The following CAPN14 variants were observed in gnomAD, a reference collection of about 807,000 sequenced individuals.
CAPN14 encodes the protein calpain-14.
Under a neutral mutation model 101.3 loss-of-function variants are expected in CAPN14, and 94 were observed. The observed-to-expected ratio is 0.93, with a 90% CI of 0.79 to 1.10. CAPN14 has a LOEUF of 1.10. Among genes scored for constraint, CAPN14 ranks in the 50% least tolerant of loss-of-function variants. The pLI is 0.00. For synonymous variants in CAPN14, 338 were observed against 317.9 expected, an observed-to-expected ratio of 1.06 and a Z score of -0.67; for missense variants, 837 against 828.4, an observed-to-expected ratio of 1.01 and a Z score of -0.13.
In CAPN14 at chr2:31,202,440, G is replaced by A. The variant is rs193181348; in HGVS notation, c.296-188C>T. On this transcript the variant is annotated intron_variant, in intron 3 of 21. Transcript: ENST00000403897. ...GGGAGCATTGGCTGAAATCCAACTT[G>A]ACCCCAAAACCAGAGCCATGTTCCT... is the stretch of plus-strand genomic sequence containing the variant. 2.6e-5 allele frequency among the ~76,000 whole-genome samples: 4 copies of A among 152,248 alleles called. No individual in the cohort carries two copies. In the East Asian group the frequency reaches 5.8e-4, roughly 22 times the overall value.
upstream of CAPN14, among the ~76,000 whole-genome samples, chr2:31,217,794 T>C (rs991678823): frequency 1.3e-5 from 2 of 152,172 alleles, no homozygotes; most frequent in Non-Finnish European, 2.9e-5. Context: ...AGGTGTGACC[T>C]AGAAAAGCAT....
chr2:31,220,360 A>T (rs1682824795), upstream of CAPN14, among the ~76,000 whole-genome samples: 2 of 152,194 alleles, frequency 1.3e-5, no homozygotes, highest in South Asian at 4.1e-4. Context: ...AAATAAGAAA[A>T]ACTACTGAAA....
chr2:31,232,454 TG>T (rs1683223697), intron 1 of CAPN14, among the ~76,000 whole-genome samples: 2 of 152,348 alleles, frequency 1.3e-5, no homozygotes, highest in Non-Finnish European at 2.9e-5. Flanking sequence ...GTTTTCACAC[TG>T]CTGTGAAGAA....
chr2:31,180,085 G>A (rs1158793623), intron 17 of CAPN14, among the ~76,000 whole-genome samples: 1 of 152,018 alleles, frequency 6.6e-6, no homozygotes, highest in African/African-American at 2.4e-5. Context: ...GAGACATTGG[G>A]TCAAAGTACC....
In CAPN14 at chr2:31,173,107, G is replaced by T. The variant is rs1156327359; in HGVS notation, c.*1574C>A. ...ATTAAAACAGCTATTTGCAATGGCA[G>T]ATTTTAAAGACAAAGACACAAATAA... On this transcript the variant is annotated 3_prime_UTR_variant, in exon 22 of 22. Transcript: ENST00000403897. The T allele has an allele frequency of 6.6e-6, 1 of 152,198 alleles. No individual in the cohort carries two copies. Among genetic ancestry groups the T allele is most frequent in the Non-Finnish European group, 1.5e-5 (1 of 68,024 alleles). The allele number at this position is 152,198 out of a possible 1,614,324, so 9.4% of individuals were successfully genotyped here. A position where few individuals can be genotyped will look rare whatever the true frequency, so the allele number is the denominator to read the frequency against.
chr2:31,192,637 T>C (rs1681251272), intron 10 of CAPN14, among the ~76,000 whole-genome samples: 1 of 152,126 alleles, frequency 6.6e-6, no homozygotes, highest in Non-Finnish European at 1.5e-5. Context: ...CTGTCCCATC[T>C]TGGGAGTCCA....
Position 31,189,344 on chromosome 2 carries a change from C to A in CAPN14, c.1422G>T (p.Val474=), listed in dbSNP as rs377236419. The A allele has an allele frequency of 1.6e-4, 250 of 1,551,500 alleles. No homozygotes were observed. Among genetic ancestry groups the A allele is most frequent in the Non-Finnish European group, 2.1e-4 (238 of 1,146,906 alleles). The change falls in exon 13 of 22, where the codon GTG becomes GTT. Residue 474 remains valine (V), a synonymous_variant. Coordinates refer to ENST00000403897, the MANE Select transcript of CAPN14 (RefSeq NM_001145122.2). ...TCTGGTGGGCCTCCAATATGCAGGG[C>A]ACGATGAGGTACGTCCCTGGTTCCA... The part of the protein sequence containing the change: ...LCLEPGTYLI[V]PCILEAHQKS...
intron 2 of CAPN14, among the ~76,000 whole-genome samples, chr2:31,204,144 C>T (rs1392360763): frequency 6.6e-6 from 1 of 152,128 alleles, no homozygotes; most frequent in Non-Finnish European, 1.5e-5. Flanking sequence ...ATATTTTTGG[C>T]TATAGCTGTT....
chr2:31,213,256 T>G (rs924262918), intron 1 of CAPN14, among the ~76,000 whole-genome samples: 19 of 152,326 alleles, frequency 1.2e-4, no homozygotes, highest in African/African-American at 4.6e-4. Context: ...GGATGACATG[T>G]ACTGTGCCTA....
intron 1 of CAPN14, among the ~76,000 whole-genome samples, chr2:31,232,038 A>T (rs138346969): frequency 2.6e-5 from 4 of 152,172 alleles, no homozygotes; most frequent in Non-Finnish European, 4.4e-5. Flanking sequence ...GAGATCTGAG[A>T]TGTAACTAAG....
intron 1 of CAPN14, among the ~76,000 whole-genome samples, chr2:31,210,002 G>T (rs891836362): frequency 2.6e-5 from 4 of 152,184 alleles, no homozygotes; most frequent in African/African-American, 9.7e-5. Context: ...TGTTGTCCAG[G>T]AATACAGAGT....
chr2:31,217,939 A>G (rs569909528), upstream of CAPN14, among the ~76,000 whole-genome samples: 5 of 152,326 alleles, frequency 3.3e-5, no homozygotes, highest in African/African-American at 1.2e-4. Flanking sequence ...TATTTTCAAG[A>G]GGTGGCTGTG....
At chr2:31,183,093 T>A (rs11124246) in intron 16 of CAPN14, among the ~76,000 whole-genome samples, 3 of 151,538 alleles carry the variant, frequency 2.0e-5, no homozygotes, top group Middle Eastern at 3.4e-3. Context: ...GGAAAGGATT[T>A]CCTATTTAAT....
chr2:31,202,352 C>T, intron 3 of CAPN14, 100 bp from the exon 4 acceptor site: 1 of 839,906 alleles, frequency 1.2e-6, no homozygotes, highest in South Asian at 1.6e-5. Context: ...GGCTTGTAGC[C>T]CAGTTTAGGA....
chr2:31,201,819 A>G, intron 5 of CAPN14, 43 bp downstream of exon 5: 3 of 1,544,424 alleles, frequency 1.9e-6, no homozygotes, highest in African/African-American at 1.4e-5. Context: ...GAGAGAGAGA[A>G]AAAGAAGCGA....
intron 16 of CAPN14, 55 bp downstream of exon 16, chr2:31,186,373 G>C: frequency 7.7e-7 from 1 of 1,291,246 alleles, no homozygotes; most frequent in Non-Finnish European, 1.1e-6. Context: ...CAAAGCCAGA[G>C]TTTAGAAAAG....
At chr2:31,211,168 G>T (rs973511028) in intron 1 of CAPN14, among the ~76,000 whole-genome samples, 2 of 150,242 alleles carry the variant, frequency 1.3e-5, no homozygotes, top group Non-Finnish European at 3.0e-5. Flanking sequence ...GTAATTCCTA[G>T]TTAAGCCAAT....
chr2:31,232,503 T>C (rs1369783042), intron 1 of CAPN14, among the ~76,000 whole-genome samples: 1 of 152,220 alleles, frequency 6.6e-6, no homozygotes, highest in African/African-American at 2.4e-5. Flanking sequence ...GAAAAAGGTT[T>C]AATTAACTCA....
intron 1 of CAPN14, among the ~76,000 whole-genome samples, chr2:31,231,003 A>G (rs1039972003): frequency 1.3e-4 from 20 of 152,102 alleles, no homozygotes; most frequent in African/African-American, 4.6e-4. Flanking sequence ...CTGTGCCAAA[A>G]CCATATTAAC....
Sources: allele counts gnomAD v4.1 joint callset (sites outside exome capture counted in the v4.1 genomes callset), GRCh38; gene constraint gnomAD v4.1.1; transcripts MANE v1.5; gene names NCBI Gene and HGNC (gene_info 2026-07-23, HGNC 2026-07-21).